Variants in CIITA observed in about 807,000 individuals in gnomAD.
CIITA encodes MHC class II transactivator.
A neutral mutation model predicts 115.1 loss-of-function variants in CIITA; 72 were observed. That is an observed-to-expected ratio of 0.63 (90% CI 0.52 to 0.76). CIITA has a LOEUF of 0.76. Among genes scored for constraint, CIITA ranks in the 30% least tolerant of loss-of-function variants. CIITA has a pLI of 0.00. For missense variants in CIITA, 1,617 were observed against 1,463.8 expected (o/e 1.10, Z -1.71); for synonymous variants, 763 against 635.6 (o/e 1.20, Z -3.02).
Position 10,902,772 on chromosome 16 carries a change from C to T in CIITA, c.743C>T (p.Thr248Ile). 6.2e-7 allele frequency: 1 copy of T among 1,614,220 alleles called. No individual in the cohort carries two copies. Among genetic ancestry groups the T allele is most frequent in the African/African-American group, 1.3e-5 (1 of 75,048 alleles). Residue 248 changes from threonine (T) to isoleucine (I), a missense_variant, in exon 8 of 20, where the codon ACA (threonine) becomes ATA (isoleucine). Transcript: ENST00000324288. ...HGLWQISEAG[T>I]GVSSIFIYHG... ...CTCTGGCAAATCTCTGAGGCTGGAA[C>T]AGGGGTCTCCAGTATATTCATCTAC...
rs933104947 is a variant in CIITA, at chr16:10,879,398, T to C, written c.52+2016T>C. On this transcript the variant is annotated intron_variant, in intron 1 of 19. Transcript: ENST00000324288. This position sits in a 1 kb window ranked among gnomAD's most constrained non-coding sequence, Gnocchi z 4.3. ...GGCCGACTCCGCGCGCCCGGGATCCTGCAGAGGTGCGCGCCCTTCTTGTAC... is the reference window on the plus strand; with the variant it reads ...GGCCGACTCCGCGCGCCCGGGATCCCGCAGAGGTGCGCGCCCTTCTTGTAC... Among the ~76,000 whole-genome samples the C allele has an allele frequency of 1.5e-3, 228 of 152,318 alleles. No homozygotes were observed. Among genetic ancestry groups the C allele is most frequent in the African/African-American group, 5.3e-3 (222 of 41,582 alleles).
At chr16:10,906,224 G>T (rs965016432) in intron 10 of CIITA, among the ~76,000 whole-genome samples, 14 of 152,248 alleles carry the variant, frequency 9.2e-5, no homozygotes, top group African/African-American at 1.4e-4. Flanking sequence ...TCTGGGCATG[G>T]TGTCACATGT....
At chr16:10,868,080 G>T (rs753584449) in intron 1 of CIITA, among the ~76,000 whole-genome samples, 2 of 152,154 alleles carry the variant, frequency 1.3e-5, no homozygotes, top group Non-Finnish European at 2.9e-5. Context: ...ACTTTCTAAA[G>T]ACGGTGTTTG....
intron 10 of CIITA, 25 bp from the exon 11 acceptor site, chr16:10,906,474 C>T: frequency 6.2e-7 from 1 of 1,610,704 alleles, no homozygotes; most frequent in Non-Finnish European, 8.5e-7. Context: ...ATACCCCCAC[C>T]CTGACACGCC....
chr16:10,927,750 T>C lies in CIITA; in HGVS notation c.*3895T>C, dbSNP rs1168076566. 1.3e-5 allele frequency: 2 copies of C among 152,206 alleles called. No individual in the cohort carries two copies. Among genetic ancestry groups the C allele is most frequent in the East Asian group, 3.9e-4 (2 of 5,192 alleles). 9.4% of individuals were successfully genotyped at this position (152,206 alleles called of 1,614,324 possible). A position where few individuals can be genotyped will look rare whatever the true frequency, so the allele number is the denominator to read the frequency against. On this transcript the variant is annotated 3_prime_UTR_variant, in exon 20 of 20. Coordinates refer to ENST00000324288, the MANE Select transcript of CIITA (RefSeq NM_000246.4). ...ATCGTAAGATGTGGATAAATTACTG[T>C]CTCCGTGTCACAGATCTAAGTGATA... is the stretch of plus-strand genomic sequence containing the variant.
chr16:10,942,625 C>T lies in CIITA; in HGVS notation n.1751C>T, dbSNP rs915698508. 6.6e-6 allele frequency: 1 copy of T among 152,460 alleles called. No homozygotes were observed. The highest frequency in any genetic ancestry group is 1.9e-4 in the East Asian group (1 of 5,180). The allele number at this position is 152,460 out of a possible 1,614,324, so 9.4% of individuals were successfully genotyped here. ...GGGGCCCTAGCGTCTGAGTTGCTTTCCTGGTTCGGGTCTGCCCTCAGATCT... is the reference window on the plus strand; with the variant it reads ...GGGGCCCTAGCGTCTGAGTTGCTTTTCTGGTTCGGGTCTGCCCTCAGATCT... On this transcript the variant is annotated non_coding_transcript_exon_variant, in exon 2 of 2. Transcript: ENST00000573379. This position sits in a 1 kb window ranked among gnomAD's most constrained non-coding sequence, Gnocchi z 5.0.
chr16:10,881,489 T>C (rs187414334), intron 1 of CIITA, among the ~76,000 whole-genome samples: 7 of 152,328 alleles, frequency 4.6e-5, no homozygotes, highest in Admixed American at 2.6e-4. Context: ...AGTCTCTGAT[T>C]TTCCCTGATG....
At position 10,907,260 on chromosome 16, in the gene CIITA, C is replaced by T. The variant is rs2039234162; in HGVS notation, c.1768C>T (p.His590Tyr). The change falls in exon 11 of 20, where the codon CAC becomes TAC. Residue 590 changes from histidine (H) to tyrosine (Y), a missense_variant. Physicochemically the swap from His to Tyr is moderately conservative, Grantham distance 83. Transcript: ENST00000324288. This position sits in a 1 kb window ranked among gnomAD's most constrained non-coding sequence, Gnocchi z 5.0. The stretch of plus-strand genomic sequence containing the variant: ...CTTTGAGAGCTCAGGGATGACAGAG[C>T]ACCAAGACAGAGCCCTGACGCTCCT... ...RYFESSGMTE[H>Y]QDRALTLLRD... The T allele has an allele frequency of 6.2e-7, 1 of 1,613,402 alleles. No homozygotes were observed. The highest frequency in any genetic ancestry group is 8.5e-7 in the Non-Finnish European group (1 of 1,180,016).
intron 3 of CIITA, among the ~76,000 whole-genome samples, chr16:10,897,569 T>C (rs1043122718): frequency 5.9e-5 from 9 of 152,240 alleles, no homozygotes; most frequent in Non-Finnish European, 1.2e-4. Flanking sequence ...GTTTTCTCTC[T>C]GCTTCTGGAA....
At position 10,928,165 on chromosome 16, in the gene CIITA, C is replaced by T. The variant is rs58497481; in HGVS notation, c.*4310C>T. On this transcript the variant is annotated 3_prime_UTR_variant, in exon 20 of 20. Transcript: ENST00000324288. ...GTACTCTCCCACACCTCAGTCTCCTCGCCTGTAGAAAGGGGTCAATCGTTT... is the reference window on the plus strand; with the variant it reads ...GTACTCTCCCACACCTCAGTCTCCTTGCCTGTAGAAAGGGGTCAATCGTTT... 8,190 of 152,276 alleles carry T rather than the reference C, an allele frequency of 0.054. 228 individuals are homozygous for T. The highest frequency in any genetic ancestry group is 0.12 in the East Asian group (608 of 5,182). 9.4% of individuals were successfully genotyped at this position (152,276 alleles called of 1,614,324 possible). A position where few individuals can be genotyped will look rare whatever the true frequency, so the allele number is the denominator to read the frequency against.
chr16:10,881,614 T>C (rs182111532), intron 1 of CIITA, among the ~76,000 whole-genome samples: 1 of 152,350 alleles, frequency 6.6e-6, no homozygotes, highest in Admixed American at 6.5e-5. Flanking sequence ...GTTGGTTTGG[T>C]TTTGCTTTTC....
intron 1 of CIITA, among the ~76,000 whole-genome samples, chr16:10,893,148 G>A (rs1315722385): frequency 1.3e-5 from 2 of 152,160 alleles, no homozygotes; most frequent in African/African-American, 4.8e-5. Context: ...AGGAGGCAAG[G>A]AAGCATTCTC....
intron 11 of CIITA, chr16:10,908,471 C>G (rs1006398708): frequency 2.1e-6 from 1 of 472,830 alleles, no homozygotes; most frequent in Non-Finnish European, 3.9e-6. Context: ...AGCACGCCAC[C>G]GTTTTCTTAT....
chr16:10,918,472 C>T lies in CIITA; in HGVS notation c.3095C>T (p.Ala1032Val). 2 of 1,614,206 alleles carry T rather than the reference C, an allele frequency of 1.2e-6. No individual in the cohort carries two copies. The highest frequency in any genetic ancestry group is 1.7e-6 in the Non-Finnish European group (2 of 1,180,028). The change falls in exon 16 of 20, where the codon GCC becomes GTC. Residue 1032 changes from alanine to valine, a missense_variant. Physicochemically the swap from Ala to Val is moderately conservative, Grantham distance 64 (BLOSUM62 0). Coordinates refer to ENST00000324288, the MANE Select transcript of CIITA (RefSeq NM_000246.4). ...LSQNNITDLG[A>V]YKLAEALPSL... ...CAGAACAACATCACTGACCTGGGTG[C>T]CTACAAACTCGCCGAGGCCCTGCCT...
rs371950591 is a variant in CIITA, at chr16:10,906,462, A to G, written c.1007-37A>G. 2.5e-6 allele frequency: 4 copies of G among 1,609,284 alleles called. No individual in the cohort carries two copies. In the African/African-American group the frequency reaches 4.0e-5, roughly 16 times the overall value. ...GTGGCTGGCCCTGGCCCTGCCTCTC[A>G]CATACCCCCACCCTGACACGCCCCT... On this transcript the variant is annotated intron_variant, in intron 10 of 19. Transcript: ENST00000324288.
chr16:10,893,768 C>T (rs1317752298), intron 1 of CIITA, among the ~76,000 whole-genome samples: 6 of 138,552 alleles, frequency 4.3e-5, no homozygotes, highest in Non-Finnish European at 9.0e-5. Flanking sequence ...AAGATTGCAC[C>T]CCTGCACTCC....
chr16:10,866,345 A>G (rs369003532), intron 1 of CIITA: 8 of 569,074 alleles, frequency 1.4e-5, no homozygotes, highest in Non-Finnish European at 2.8e-5. Flanking sequence ...TCCAGCCATC[A>G]GCCCAGCCTG....
chr16:10,936,178 T>C lies in CIITA; in HGVS notation c.*12323T>C, dbSNP rs1416876399. 6.6e-6 allele frequency: 1 copy of C among 152,036 alleles called. No individual in the cohort carries two copies. The highest frequency in any genetic ancestry group is 2.4e-5 in the African/African-American group (1 of 41,390). The allele number at this position is 152,036 out of a possible 1,614,324, so 9.4% of individuals were successfully genotyped here. On this transcript the variant is annotated 3_prime_UTR_variant, in exon 20 of 20. Transcript: ENST00000324288. The stretch of plus-strand genomic sequence containing the variant: ...GCTATTTTTTTTTTCCTACTTTTTG[T>C]AGAGACGGGGTCTCACTATGTTGCC...
At chr16:10,896,457 T>A (rs758387896) in intron 3 of CIITA, among the ~76,000 whole-genome samples, 15 of 152,194 alleles carry the variant, frequency 9.9e-5, no homozygotes, top group Non-Finnish European at 1.8e-4. Flanking sequence ...AGCTACAGCT[T>A]TCAGACAAGG....
Sources: allele counts gnomAD v4.1 joint callset (sites outside exome capture counted in the v4.1 genomes callset), GRCh38; gene constraint gnomAD v4.1.1; non-coding constraint Gnocchi (gnomAD v3.1); transcripts MANE v1.5; gene names NCBI Gene and HGNC (gene_info 2026-07-23, HGNC 2026-07-21).